Variants in ALX4 observed in about 807,000 individuals in gnomAD.
ALX4 encodes the protein homeobox protein aristaless-like 4.
A neutral mutation model predicts 40.6 loss-of-function variants in ALX4; 22 were observed. The ratio of observed to expected loss-of-function variants is 0.54; its 90% CI spans 0.39 to 0.77. The LOEUF is 0.77. Among genes scored for constraint, ALX4 ranks in the 30% least tolerant of loss-of-function variants. The probability of loss-of-function intolerance (pLI) is 0.00; values close to 1 mark genes in which losing one functional copy is unlikely to be tolerated. For missense variants in ALX4, 556 were observed against 564.8 expected (o/e 0.98, Z 0.16); for synonymous variants, 266 against 240.5 (o/e 1.11, Z -0.98).
At position 44,309,779 on chromosome 11, in the gene ALX4, G is replaced by T; in HGVS notation, c.284C>A (p.Ser95Ter). The T allele has an allele frequency of 6.5e-7, 1 of 1,546,784 alleles. No homozygotes were observed. The highest frequency in any genetic ancestry group is 8.7e-7 in the Non-Finnish European group (1 of 1,144,928). The change falls in exon 1 of 4, where the codon TCG becomes TAG. Residue 95 changes from serine to a stop codon, truncating the protein, a stop_gained. Transcript: ENST00000652299. LOFTEE classifies it high-confidence loss of function. ...CGGCGGCGGCTGGGGCTGCGGGGTC[G>T]ACGGCTGGGGCTGGAACTTGTTAAA... ...GSFNKFQPQP[S>*]TPQPQPPPQP...
intron 1 of ALX4, among the ~76,000 whole-genome samples, chr11:44,287,811 G>A (rs1956347793): frequency 6.6e-6 from 1 of 152,034 alleles, no homozygotes; most frequent in Non-Finnish European, 1.5e-5. Context: ...TGGCCCCCTT[G>A]CAACAACCTT....
intron 1 of ALX4, among the ~76,000 whole-genome samples, chr11:44,286,603 G>A (rs552025371): frequency 1.3e-5 from 2 of 152,310 alleles, no homozygotes; most frequent in Non-Finnish European, 2.9e-5. Context: ...CTAGCTGGGA[G>A]GATTTGCCAC....
rs1211281368 is a variant in ALX4, at chr11:44,293,170, A to AGGAAGGAAGGAAGGAAGGAAGGAG, written c.466+16426_466+16427insCTCCTTCCTTCCTTCCTTCCTTCC. ...AAGGAAGGAAGGAAGGAAGGAAGGA[A>AGGAAGGAAGGAAGGAAGGAAGGAG]GCAGGCAGGCAGGGAGGGAGGGAGG... On this transcript the variant is annotated intron_variant, in intron 1 of 3. Transcript: ENST00000652299. 1.5e-4 allele frequency among the ~76,000 whole-genome samples: 3 copies of AGGAAGGAAGGAAGGAAGGAAGGAG among 20,602 alleles called. 1 individual carries two copies. The highest frequency in any genetic ancestry group is 2.7e-3 in the South Asian group (2 of 744). 13.5% of individuals were successfully genotyped at this position (20,602 alleles called of 152,430 possible). A position where few individuals can be genotyped will look rare whatever the true frequency, so the allele number is the denominator to read the frequency against.
At position 44,265,106 on chromosome 11, in the gene ALX4, C is replaced by A. The variant is rs1252812882; in HGVS notation, c.984G>T (p.Val328=). ...VPACVVPCDP[V]PACMSPHAHP... Reference sequence around the variant, plus strand: ...GGGCATGAGGGGACATGCAGGCAGGCACCGGGTCGCAGGGGACCACGCAGG... The same window carrying A: ...GGGCATGAGGGGACATGCAGGCAGGAACCGGGTCGCAGGGGACCACGCAGG... The change falls in exon 4 of 4, where the codon GTG becomes GTT. Residue 328 remains valine (V), a synonymous_variant. Transcript: ENST00000652299. 4 of 1,612,266 alleles carry A rather than the reference C, an allele frequency of 2.5e-6. No individual in the cohort carries two copies. Among genetic ancestry groups the A allele is most frequent in the Non-Finnish European group, 3.4e-6 (4 of 1,179,648 alleles).
chr11:44,309,156 CCGCAGCCCCGCAGCCCCGCAGCCT>C (rs1446825895), intron 1 of ALX4, among the ~76,000 whole-genome samples: 1,203 of 117,260 alleles, frequency 0.01, 43 homozygotes, highest in Non-Finnish European at 0.014. Context: ...TCCTGCTGTC[CCGCAGCCCCGCAGCCCCGCAGCCT>C]CGCAGCCCCG....
chr11:44,304,138 G>T (rs1156335696), intron 1 of ALX4, among the ~76,000 whole-genome samples: 1 of 152,210 alleles, frequency 6.6e-6, no homozygotes, highest in African/African-American at 2.4e-5. Context: ...TCCCCCGGAC[G>T]GTATCATCAC....
intron 1 of ALX4, among the ~76,000 whole-genome samples, chr11:44,307,120 G>A (rs932956130): frequency 1.5e-4 from 23 of 149,364 alleles, no homozygotes; most frequent in Non-Finnish European, 3.4e-4. Context: ...GGGTGCTCTC[G>A]AGTTCCCAGC....
At chr11:44,304,941 G>A (rs1040802233) in intron 1 of ALX4, among the ~76,000 whole-genome samples, 2 of 152,230 alleles carry the variant, frequency 1.3e-5, no homozygotes, top group Non-Finnish European at 2.9e-5. Context: ...CAGCCGCTTG[G>A]AACTTCGCAT....
chr11:44,291,418 C>CTTTCTTTT (rs1956368515), intron 1 of ALX4, among the ~76,000 whole-genome samples: 1 of 148,950 alleles, frequency 6.7e-6, no homozygotes, highest in African/African-American at 2.5e-5. Flanking sequence ...TTCTTTCTTT[C>CTTTCTTTT]TTTTTTTGGA....
rs1350396901 is a variant in ALX4 at position 44,307,584 on chromosome 11, A to C, written c.466+2013T>G. Among the ~76,000 whole-genome samples, 9 of 152,246 alleles carry C rather than the reference A, an allele frequency of 5.9e-5. No homozygotes were observed. In the East Asian group the frequency reaches 1.7e-3, roughly 29 times the overall value. ...ACTGGTAATTTTCATTAAAATATGA[A>C]AATTCAATGCAGTGGAGAGAGAGCA... On this transcript the variant is annotated intron_variant, in intron 1 of 3. Coordinates refer to ENST00000652299, the MANE Select transcript of ALX4 (RefSeq NM_021926.4).
intron 2 of ALX4, among the ~76,000 whole-genome samples, chr11:44,269,939 G>A (rs909418711): frequency 2.0e-5 from 3 of 152,188 alleles, no homozygotes; most frequent in African/African-American, 7.2e-5. Context: ...GAGGCACGGA[G>A]AGAGATGGCT....
At chr11:44,305,561 C>CA (rs1956461642) in intron 1 of ALX4, among the ~76,000 whole-genome samples, 1 of 152,200 alleles carries the variant, frequency 6.6e-6, no homozygotes, top group Non-Finnish European at 1.5e-5. Context: ...CTCTTGTATA[C>CA]AAAACACACC....
intron 1 of ALX4, among the ~76,000 whole-genome samples, chr11:44,276,042 G>C (rs1194031417): frequency 6.6e-6 from 1 of 152,162 alleles, no homozygotes; most frequent in Non-Finnish European, 1.5e-5. Context: ...TCTGACCCCA[G>C]TGCCATGGCC....
chr11:44,269,724 G>T (rs1437740435), intron 2 of ALX4, among the ~76,000 whole-genome samples: 1 of 152,230 alleles, frequency 6.6e-6, no homozygotes, highest in Non-Finnish European at 1.5e-5. Context: ...GACAGATGGG[G>T]TCTCCTCTCT....
intron 1 of ALX4, among the ~76,000 whole-genome samples, chr11:44,277,026 T>C (rs1209396251): frequency 6.6e-6 from 1 of 152,130 alleles, no homozygotes; most frequent in Non-Finnish European, 1.5e-5. Context: ...ATGAATCCTA[T>C]GGCCATGACT....
rs143599866 is a variant in ALX4 at position 44,275,704 on chromosome 11, C to G, written c.467-46G>C. 784 of 1,579,262 alleles carry G rather than the reference C, an allele frequency of 5.0e-4. 5 individuals carry two copies. The African/African-American group carries it at 8.9e-3, about 18-fold the overall frequency. ...GTCAGAAACCAATGGTTGAACCAAACAAGAGAAGGGGAATGTCAGGGGGAG... is the reference window on the plus strand; with the variant it reads ...GTCAGAAACCAATGGTTGAACCAAAGAAGAGAAGGGGAATGTCAGGGGGAG... On this transcript the variant is annotated intron_variant, in intron 1 of 3. Coordinates refer to ENST00000652299, the MANE Select transcript of ALX4 (RefSeq NM_021926.4).
At chr11:44,283,852 C>T (rs112952022) in intron 1 of ALX4, among the ~76,000 whole-genome samples, 3,788 of 152,264 alleles carry the variant, frequency 0.025, 158 homozygotes, top group African/African-American at 0.087. Context: ...GCATGGACCA[C>T]CGCGCCAATA....
rs1487807373 is a variant in ALX4 at position 44,309,163 on chromosome 11, C to A, written c.466+434G>T. Among the ~76,000 whole-genome samples, 18 of 120,338 alleles carry A rather than the reference C, an allele frequency of 1.5e-4. 1 individual carries two copies. The highest frequency in any genetic ancestry group is 3.2e-4 in the Non-Finnish European group (18 of 55,838). 78.9% of individuals were successfully genotyped at this position (120,338 alleles called of 152,430 possible). The stretch of plus-strand genomic sequence containing the variant: ...TTCTGCAGTCCTGCTGTCCCGCAGC[C>A]CCGCAGCCCCGCAGCCTCGCAGCCC... On this transcript the variant is annotated intron_variant, in intron 1 of 3. Coordinates refer to ENST00000652299, the MANE Select transcript of ALX4 (RefSeq NM_021926.4).
chr11:44,284,907 A>C (rs1454377193), intron 1 of ALX4, among the ~76,000 whole-genome samples: 2 of 151,808 alleles, frequency 1.3e-5, no homozygotes, highest in African/African-American at 2.4e-5. Context: ...AATCACTCAC[A>C]CACATACACA....
Sources: allele counts gnomAD v4.1 joint callset (sites outside exome capture counted in the v4.1 genomes callset), GRCh38; gene constraint gnomAD v4.1.1; transcripts MANE v1.5; gene names NCBI Gene and HGNC (gene_info 2026-07-23, HGNC 2026-07-21).